The following ERC1 variants were observed in gnomAD, a reference collection of about 807,000 sequenced individuals.
The protein encoded by ERC1 is RAB6 interacting protein 2.
Under a neutral mutation model 132.0 loss-of-function variants are expected in ERC1, and 56 were observed. The observed-to-expected ratio is 0.42, with a 90% CI of 0.34 to 0.53. The LOEUF (loss-of-function observed/expected upper bound fraction) is 0.53. Ranked by LOEUF, ERC1 falls within the 20% of genes least tolerant of loss-of-function variation. The probability of loss-of-function intolerance (pLI) is 0.03; values close to 1 mark genes in which losing one functional copy is unlikely to be tolerated. For missense variants in ERC1, 1,202 were observed against 1,349.9 expected, an observed-to-expected ratio of 0.89 and a Z score of 1.72; for synonymous variants, 478 against 476.1, an observed-to-expected ratio of 1.00 and a Z score of -0.05.
At chr12:1,428,064 C>G in intron 17 of ERC1, among the ~76,000 whole-genome samples, 1 of 152,136 alleles carries the variant, frequency 6.6e-6, no homozygotes, top group Admixed American at 6.5e-5. Context: ...TTTGAAGCAT[C>G]TCTGGAACAT....
intron 18 of ERC1, among the ~76,000 whole-genome samples, chr12:1,474,862 T>C (rs1565510632): frequency 1.3e-5 from 2 of 152,334 alleles, no homozygotes; most frequent in Admixed American, 6.5e-5. Flanking sequence ...GTTTCTTCCC[T>C]GCACAGTGGT....
At chr12:1,159,970 G>C (rs1194797758) in intron 8 of ERC1, among the ~76,000 whole-genome samples, 1 of 152,130 alleles carries the variant, frequency 6.6e-6, no homozygotes, top group Non-Finnish European at 1.5e-5. Flanking sequence ...ATATACTCAG[G>C]ATATGAGGTA....
In ERC1 at chr12:1,250,404, G is replaced by A. The variant is rs75388863; in HGVS notation, c.2488-12630G>A. On this transcript the variant is annotated intron_variant, in intron 13 of 18. Coordinates refer to ENST00000360905, the MANE Select transcript of ERC1 (RefSeq NM_178040.4). ...AATACATTGTTTTATAATTGCCCCT[G>A]TGTGATTTAACCCATTTAATTTTCC... Among the ~76,000 whole-genome samples the A allele has an allele frequency of 8.6e-4, 131 of 152,128 alleles. 3 individuals are homozygous for A. The East Asian group carries it at 0.023, about 26-fold the overall frequency.
At chr12:1,014,149 T>A (rs1435020672) in intron 1 of ERC1, among the ~76,000 whole-genome samples, 3 of 152,118 alleles carry the variant, frequency 2.0e-5, no homozygotes, top group African/African-American at 7.2e-5. Context: ...CTGTAGTTTA[T>A]AATGAGACTT....
intron 1 of ERC1, among the ~76,000 whole-genome samples, chr12:996,121 CTT>C (rs1199573427): frequency 6.7e-6 from 1 of 148,950 alleles, no homozygotes; most frequent in African/African-American, 2.5e-5. Context: ...TGGAGTCTCT[CTT>C]TGTTGCCCAG....
At chr12:1,452,327 T>G (rs2093442598) in intron 18 of ERC1, among the ~76,000 whole-genome samples, 1 of 152,194 alleles carries the variant, frequency 6.6e-6, no homozygotes, top group African/African-American at 2.4e-5. Flanking sequence ...TTGGTTGATA[T>G]ACCATGTTCT....
intron 2 of ERC1, among the ~76,000 whole-genome samples, chr12:1,041,804 TG>T (rs1970258192): frequency 6.6e-6 from 1 of 152,220 alleles, no homozygotes. Flanking sequence ...GATTTGTTGT[TG>T]ATAGCATGTA....
chr12:1,043,144 A>G (rs1970544795), intron 2 of ERC1, among the ~76,000 whole-genome samples: 1 of 151,068 alleles, frequency 6.6e-6, no homozygotes, highest in South Asian at 2.1e-4. Context: ...CCCGGGTCTA[A>G]GCGATTCTCC....
intron 3 of ERC1, among the ~76,000 whole-genome samples, chr12:1,104,501 C>T (rs1168736962): frequency 6.6e-6 from 1 of 152,124 alleles, no homozygotes; most frequent in Non-Finnish European, 1.5e-5. Flanking sequence ...TATGGTAGCT[C>T]GTGTCTGTGT....
At chr12:1,478,026 C>G (rs1202085899) in intron 18 of ERC1, among the ~76,000 whole-genome samples, 1 of 152,128 alleles carries the variant, frequency 6.6e-6, no homozygotes. Flanking sequence ...TTGGGTTGTT[C>G]CCAGGTTTTA....
chr12:1,196,943 CACACACACACACACACACATAT>C lies in ERC1; in HGVS notation c.2351+6893_2351+6914del, dbSNP rs1426911462. 1.6e-3 allele frequency among the ~76,000 whole-genome samples: 66 copies of C among 42,284 alleles called. No homozygotes were observed. The African/African-American group carries it at 0.016, about 10-fold the overall frequency. 27.7% of individuals were successfully genotyped at this position (42,284 alleles called of 152,430 possible). ...ACACACACACACACACACACACACA[CACACACACACACACACACATAT>C]ATATATATATATTTTTTTTTTTTTT... On this transcript the variant is annotated intron_variant, in intron 12 of 18. Coordinates refer to ENST00000360905, the MANE Select transcript of ERC1 (RefSeq NM_178040.4).
At chr12:1,073,885 C>G (rs1565911939) in intron 2 of ERC1, among the ~76,000 whole-genome samples, 1 of 146,592 alleles carries the variant, frequency 6.8e-6, no homozygotes, top group Non-Finnish European at 1.5e-5. Context: ...CCCTCCCACC[C>G]GAGACGGAGT....
At position 1,007,516 on chromosome 12, in the gene ERC1, T is replaced by TTCTCTC. The variant is rs377671282; in HGVS notation, c.-157+16214_-157+16219dup. Among the ~76,000 whole-genome samples the TTCTCTC allele has an allele frequency of 7.6e-4, 94 of 122,942 alleles. 1 individual carries two copies. Among genetic ancestry groups the TTCTCTC allele is most frequent in the African/African-American group, 1.6e-3 (46 of 28,158 alleles). The allele number at this position is 122,942 out of a possible 152,430, so 80.7% of individuals were successfully genotyped here. A position where few individuals can be genotyped will look rare whatever the true frequency, so the allele number is the denominator to read the frequency against. On this transcript the variant is annotated intron_variant, in intron 1 of 18. Coordinates refer to ENST00000360905, the MANE Select transcript of ERC1 (RefSeq NM_178040.4). Reference sequence around the variant, plus strand: ...TCTTTCTCTCTCTCTCACTGGGTAATTCTCTCTCTCTCTCTCTCTCTCTCT... The same window carrying TTCTCTC: ...TCTTTCTCTCTCTCTCACTGGGTAATTCTCTCTCTCTCTCTCTCTCTCTCTCTCTCT...
chr12:1,256,277 C>CT (rs34218918), intron 13 of ERC1, among the ~76,000 whole-genome samples: 17,132 of 143,084 alleles, frequency 0.12, 1,952 homozygotes, highest in African/African-American at 0.3. Flanking sequence ...CTGTTTTTGC[C>CT]TTTTTTTTTT....
At chr12:1,033,199 G>A (rs1011040690) in intron 2 of ERC1, among the ~76,000 whole-genome samples, 1 of 152,040 alleles carries the variant, frequency 6.6e-6, no homozygotes, top group Admixed American at 6.6e-5. Context: ...ACCACGCCCA[G>A]CTAATTTTTT....
chr12:1,114,119 G>A (rs1357496626), intron 6 of ERC1, among the ~76,000 whole-genome samples: 1 of 152,112 alleles, frequency 6.6e-6, no homozygotes, highest in Non-Finnish European at 1.5e-5. Flanking sequence ...TGACTCCCTG[G>A]TTCAAGCGAT....
chr12:1,028,013 G>T lies in ERC1; in HGVS notation c.110G>T (p.Ser37Ile). The change falls in exon 2 of 19, where the codon AGT (serine) becomes ATT (isoleucine). Residue 37 changes from serine (S) to isoleucine (I), a missense_variant. Coordinates refer to ENST00000360905, the MANE Select transcript of ERC1 (RefSeq NM_178040.4). ...CGCTTGGGTCACCGTCGAACCAACA[G>T]TACGGGAGGGAGTTCGGGAAGCAGT... ...SPRLGHRRTNSTGGSSGSSVG... is the reference protein window; with the variant it reads ...SPRLGHRRTNITGGSSGSSVG... 1 of 1,614,180 alleles carries T rather than the reference G, an allele frequency of 6.2e-7. No homozygotes were observed. Among genetic ancestry groups the T allele is most frequent in the Non-Finnish European group, 8.5e-7 (1 of 1,180,040 alleles).
At chr12:1,272,911 G>T (rs2154331976) in intron 14 of ERC1, among the ~76,000 whole-genome samples, 1 of 136,478 alleles carries the variant, frequency 7.3e-6, no homozygotes, top group South Asian at 2.4e-4. Flanking sequence ...TCATGCCACT[G>T]CACTCTAGCC....
At chr12:1,380,999 C>G (rs1281644562) in intron 16 of ERC1, 1 of 152,208 alleles carries the variant, frequency 6.6e-6, no homozygotes, top group South Asian at 2.1e-4. Context: ...TGAGGCCAGC[C>G]TCAGAGAGCA....
Sources: allele counts gnomAD v4.1 joint callset (sites outside exome capture counted in the v4.1 genomes callset), GRCh38; gene constraint gnomAD v4.1.1; transcripts MANE v1.5; gene names NCBI Gene and HGNC (gene_info 2026-07-23, HGNC 2026-07-21).